CAST: variants seen among roughly 807,000 people sequenced by gnomAD.
CAST encodes calpastatin.
A neutral mutation model predicts 119.6 loss-of-function variants in CAST; 76 were observed. The ratio of observed to expected loss-of-function variants is 0.64; its 90% CI spans 0.53 to 0.77. The LOEUF is 0.77. Ranked by LOEUF, CAST falls within the 30% of genes least tolerant of loss-of-function variation. The pLI, the probability that CAST is intolerant of heterozygous loss-of-function variation, is 0.00. For missense variants in CAST, 953 were observed against 946.5 expected (o/e 1.01, Z -0.09); for synonymous variants, 319 against 331.6 (o/e 0.96, Z 0.41).
At chr5:96,003,981 C>G in the CAST span, among the ~76,000 whole-genome samples, 1 of 152,160 alleles carries the variant, frequency 6.6e-6, no homozygotes, top group Non-Finnish European at 1.5e-5. Context: ...ACAGCTCCCG[C>G]TTTTAAAATA....
the CAST span, among the ~76,000 whole-genome samples, chr5:96,328,390 TC>T: frequency 1.8e-5 from 2 of 110,450 alleles, no homozygotes; most frequent in Non-Finnish European, 3.4e-5. Flanking sequence ...TCCCTCTCTC[TC>T]TCTCTCTCTC....
the CAST span, among the ~76,000 whole-genome samples, chr5:96,158,045 C>G: frequency 6.7e-6 from 1 of 150,178 alleles, no homozygotes; most frequent in South Asian, 2.1e-4. Context: ...CCAGTGCCCC[C>G]CTTACACCCC....
chr5:95,962,739 TAGA>T, the CAST span, among the ~76,000 whole-genome samples: 3 of 152,164 alleles, frequency 2.0e-5, no homozygotes, highest in Non-Finnish European at 4.4e-5. Flanking sequence ...AAAAGGACTC[TAGA>T]AGAAGAGTAA....
At chr5:96,447,833 T>C in the CAST span, among the ~76,000 whole-genome samples, 1 of 152,168 alleles carries the variant, frequency 6.6e-6, no homozygotes, top group Non-Finnish European at 1.5e-5. Flanking sequence ...AGTGACATTC[T>C]AATTAAATTG....
At chr5:96,463,089 G>C in the CAST span, among the ~76,000 whole-genome samples, 2 of 152,022 alleles carry the variant, frequency 1.3e-5, no homozygotes, top group East Asian at 3.9e-4. Flanking sequence ...ATTTATTATC[G>C]TTTCATATCT....
the CAST span, among the ~76,000 whole-genome samples, chr5:95,976,786 A>G: frequency 6.6e-5 from 10 of 152,308 alleles, no homozygotes; most frequent in African/African-American, 2.4e-4. Context: ...CAGCTTCTTG[A>G]GGAAGAAGGC....
intron 1 of CAST, among the ~76,000 whole-genome samples, chr5:96,534,741 GAA>G (rs1491423457): frequency 0.091 from 820 of 8,976 alleles, 59 homozygotes; most frequent in Middle Eastern, 0.15. Context: ...GAGAGAGAGA[GAA>G]AGAAAGAAAG....
At chr5:96,176,134 T>C in the CAST span, among the ~76,000 whole-genome samples, 7 of 152,096 alleles carry the variant, frequency 4.6e-5, no homozygotes, top group Admixed American at 3.9e-4. Context: ...GCCCAGGGAA[T>C]AGGAGGACAA....
chr5:96,439,999 T>C, the CAST span, among the ~76,000 whole-genome samples: 1 of 152,100 alleles, frequency 6.6e-6, no homozygotes, highest in Non-Finnish European at 1.5e-5. Context: ...CCACGGCACA[T>C]TACTTTAAAA....
the CAST span, among the ~76,000 whole-genome samples, chr5:96,196,726 A>G: frequency 6.6e-6 from 1 of 152,246 alleles, no homozygotes; most frequent in Non-Finnish European, 1.5e-5. Context: ...CAAGGGCCAG[A>G]TAACGCAGGG....
At chr5:96,342,775 C>A in the CAST span, among the ~76,000 whole-genome samples, 1 of 152,186 alleles carries the variant, frequency 6.6e-6, no homozygotes, top group African/African-American at 2.4e-5. Flanking sequence ...ATTTGCACAT[C>A]TCTGAAAATG....
At chr5:96,458,047 G>A in the CAST span, among the ~76,000 whole-genome samples, 2 of 152,260 alleles carry the variant, frequency 1.3e-5, no homozygotes, top group African/African-American at 4.8e-5. Context: ...CGCCCAGTCT[G>A]TTTTCATATA....
chr5:96,223,735 C>G, the CAST span, among the ~76,000 whole-genome samples: 1 of 152,114 alleles, frequency 6.6e-6, no homozygotes, highest in Non-Finnish European at 1.5e-5. Context: ...TGGTATTGAC[C>G]CTGCTTCTTC....
At chr5:96,483,230 T>C in the CAST span, among the ~76,000 whole-genome samples, 1 of 152,178 alleles carries the variant, frequency 6.6e-6, no homozygotes, top group African/African-American at 2.4e-5. Context: ...GAAACTGTGT[T>C]GTATTAATCC....
chr5:96,709,700 T>G (rs1026171643), intron 3 of CAST, among the ~76,000 whole-genome samples: 1 of 152,240 alleles, frequency 6.6e-6, no homozygotes, highest in African/African-American at 2.4e-5. Context: ...AATGATCTGA[T>G]GATATTCATA....
the CAST span, among the ~76,000 whole-genome samples, chr5:96,020,550 T>C: frequency 1.3e-5 from 2 of 152,134 alleles, no homozygotes; most frequent in Non-Finnish European, 2.9e-5. Context: ...GCAGCTGCAT[T>C]AGATTCTCAC....
chr5:96,252,744 G>A, the CAST span, among the ~76,000 whole-genome samples: 1 of 152,082 alleles, frequency 6.6e-6, no homozygotes, highest in Non-Finnish European at 1.5e-5. Flanking sequence ...TTTCAGTAAT[G>A]ATAATGTTCT....
chr5:96,386,479 C>G, the CAST span, among the ~76,000 whole-genome samples: 3 of 152,168 alleles, frequency 2.0e-5, no homozygotes, highest in Non-Finnish European at 4.4e-5. Context: ...TAATCTTAGC[C>G]AGAGATATTT....
rs1206421550 is a variant in CAST, at chr5:96,773,016, T to A, written c.*400T>A. 2 of 153,864 alleles carry A rather than the reference T, an allele frequency of 1.3e-5. No individual in the cohort carries two copies. The highest frequency in any genetic ancestry group is 2.4e-5 in the African/African-American group (1 of 41,458). The allele number at this position is 153,864 out of a possible 1,614,324, so 9.5% of individuals were successfully genotyped here. A position where few individuals can be genotyped will look rare whatever the true frequency, so the allele number is the denominator to read the frequency against. ...TTTGTATTTTCAGTTTGCCCTTAAT[T>A]TTTTTTGTTAGTGTTTAGAAAACAA... On this transcript the variant is annotated 3_prime_UTR_variant, in exon 32 of 32. Coordinates refer to ENST00000675179, the MANE Select transcript of CAST (RefSeq NM_001750.7).
Sources: allele counts gnomAD v4.1 joint callset (sites outside exome capture counted in the v4.1 genomes callset), GRCh38; gene constraint gnomAD v4.1.1; transcripts MANE v1.5; gene names NCBI Gene and HGNC (gene_info 2026-07-23, HGNC 2026-07-21).